CCDC3: variants seen among roughly 807,000 people sequenced by gnomAD.
CCDC3 encodes the protein coiled-coil domain-containing protein 3.
Under a neutral mutation model 21.4 loss-of-function variants are expected in CCDC3, and 24 were observed. The ratio of observed to expected loss-of-function variants is 1.12; its 90% CI spans 0.81 to 1.58. The LOEUF is 1.58. Among genes scored for constraint, CCDC3 ranks in the 40% most tolerant of loss-of-function variants. The probability of loss-of-function intolerance (pLI) is 0.00; values close to 1 mark genes in which losing one functional copy is unlikely to be tolerated. For synonymous variants in CCDC3, 186 were observed against 166.0 expected (o/e 1.12, Z -0.93); for missense variants, 425 against 360.9 (o/e 1.18, Z -1.44).
Position 13,019,906 on chromosome 10 carries a change from G to A in CCDC3, c.-1-21394C>T, listed in dbSNP as rs556122037. Among the ~76,000 whole-genome samples, 20 of 152,304 alleles carry A rather than the reference G, an allele frequency of 1.3e-4. No individual in the cohort carries two copies. The South Asian group carries it at 3.7e-3, about 28-fold the overall frequency. ...AGCTACTCAGGAGGCTGAGGCAGAA[G>A]AATCGCTTGAAACCTAAAGGTGGAA... On this transcript the variant is annotated intron_variant, in intron 5 of 6. Coordinates refer to the CCDC3 transcript ENST00000378839.
intron 2 of CCDC3, among the ~76,000 whole-genome samples, chr10:12,971,104 G>A (rs533843607): frequency 6.6e-6 from 1 of 152,260 alleles, no homozygotes; most frequent in South Asian, 2.1e-4. Context: ...CCGTTAATGT[G>A]AATCAGATCC....
intron 2 of CCDC3, among the ~76,000 whole-genome samples, chr10:12,982,817 A>C (rs985180404): frequency 2.0e-5 from 3 of 148,142 alleles, no homozygotes; most frequent in Non-Finnish European, 4.5e-5. Context: ...AAAAAAAAAA[A>C]AACCATACCT....
chr10:12,920,812 G>A (rs1303980951), intron 2 of CCDC3, among the ~76,000 whole-genome samples: 1 of 152,188 alleles, frequency 6.6e-6, no homozygotes, highest in Non-Finnish European at 1.5e-5. Flanking sequence ...ACAAGTGAAG[G>A]AGCTTGAATT....
chr10:12,927,499 T>A (rs897228053), intron 2 of CCDC3, among the ~76,000 whole-genome samples: 1 of 151,546 alleles, frequency 6.6e-6, no homozygotes, highest in African/African-American at 2.4e-5. Flanking sequence ...TTGCTAAAGC[T>A]CTAGTCTCTT....
At chr10:13,093,068 C>G (rs530091417) in intron 3 of CCDC3, among the ~76,000 whole-genome samples, 3 of 140,094 alleles carry the variant, frequency 2.1e-5, no homozygotes, top group Non-Finnish European at 4.6e-5. Context: ...GAGTTACTGA[C>G]TTTTCAAACC....
At chr10:12,934,134 T>G (rs1212384866) in intron 2 of CCDC3, among the ~76,000 whole-genome samples, 1 of 152,268 alleles carries the variant, frequency 6.6e-6, no homozygotes, top group Non-Finnish European at 1.5e-5. Context: ...TGGTAAGTTA[T>G]ATCTTCATTT....
At chr10:12,926,107 C>G (rs1048030124) in intron 2 of CCDC3, among the ~76,000 whole-genome samples, 2 of 152,156 alleles carry the variant, frequency 1.3e-5, no homozygotes, top group Non-Finnish European at 2.9e-5. Flanking sequence ...TGGGTAGGGA[C>G]TGGAATACTG....
intron 3 of CCDC3, among the ~76,000 whole-genome samples, chr10:13,084,270 C>T (rs1033953456): frequency 2.2e-4 from 32 of 147,398 alleles, no homozygotes; most frequent in Admixed American, 8.4e-4. Context: ...TTTCACCACT[C>T]TACCTTCTTT....
intron 2 of CCDC3, among the ~76,000 whole-genome samples, chr10:12,934,793 C>T (rs1387857690): frequency 6.6e-6 from 1 of 151,684 alleles, no homozygotes; most frequent in Non-Finnish European, 1.5e-5. Context: ...CATGGTATGG[C>T]TTTCTGCGTC....
chr10:13,064,652 G>A (rs1245837285), intron 4 of CCDC3, among the ~76,000 whole-genome samples: 4 of 152,276 alleles, frequency 2.6e-5, no homozygotes, highest in Admixed American at 2.6e-4. Flanking sequence ...CGGGTATGGT[G>A]GTGGGTGCCT....
chr10:12,974,833 GCA>G (rs1589027347), intron 2 of CCDC3, among the ~76,000 whole-genome samples: 1 of 152,224 alleles, frequency 6.6e-6, no homozygotes, highest in Non-Finnish European at 1.5e-5. Context: ...TTTCATGGCA[GCA>G]CAGTCTCCCC....
intron 3 of CCDC3, among the ~76,000 whole-genome samples, chr10:13,089,858 A>G (rs548999739): frequency 8.0e-6 from 1 of 125,748 alleles, no homozygotes; most frequent in East Asian, 2.5e-4. Flanking sequence ...GTGAGTTCCC[A>G]AAGTCCATTG....
intron 4 of CCDC3, among the ~76,000 whole-genome samples, chr10:13,056,026 T>A (rs1439931585): frequency 1.3e-5 from 2 of 152,242 alleles, no homozygotes; most frequent in Admixed American, 6.5e-5. Flanking sequence ...GAATATCACA[T>A]AGGACATTAG....
At chr10:13,071,801 C>T (rs1445834484) in intron 4 of CCDC3, among the ~76,000 whole-genome samples, 2 of 152,174 alleles carry the variant, frequency 1.3e-5, no homozygotes, top group Non-Finnish European at 2.9e-5. Flanking sequence ...CAGTCTGTAT[C>T]TCTTTTGAAT....
chr10:13,000,828 C>T (rs1835837126), intron 1 of CCDC3, among the ~76,000 whole-genome samples: 1 of 152,172 alleles, frequency 6.6e-6, no homozygotes, highest in Non-Finnish European at 1.5e-5. Context: ...AAATGCCAGC[C>T]ACAGACTGAT....
At chr10:12,935,517 TCTATTC>T (rs1834722452) in intron 2 of CCDC3, among the ~76,000 whole-genome samples, 1 of 152,242 alleles carries the variant, frequency 6.6e-6, no homozygotes, top group African/African-American at 2.4e-5. Context: ...ACCCTGGTTC[TCTATTC>T]CTATTTTTTA....
At chr10:13,093,028 T>A (rs1832591606) in intron 3 of CCDC3, among the ~76,000 whole-genome samples, 1 of 40,770 alleles carries the variant, frequency 2.5e-5, no homozygotes, top group Non-Finnish European at 6.3e-5. Context: ...CCCCTCACCT[T>A]TTTTTTTTTT....
chr10:13,044,544 G>A (rs530628172), intron 5 of CCDC3, among the ~76,000 whole-genome samples: 1 of 152,296 alleles, frequency 6.6e-6, no homozygotes, highest in East Asian at 1.9e-4. Context: ...TAAGGATCCA[G>A]TTTCATTCTT....
At chr10:13,034,235 C>T (rs915743182) in intron 5 of CCDC3, among the ~76,000 whole-genome samples, 18 of 150,896 alleles carry the variant, frequency 1.2e-4, no homozygotes, top group Admixed American at 9.3e-4. Flanking sequence ...AGCAAACTAT[C>T]GCAAGGGCAG....
Sources: allele counts gnomAD v4.1 joint callset (sites outside exome capture counted in the v4.1 genomes callset), GRCh38; gene constraint gnomAD v4.1.1; transcripts MANE v1.5; gene names NCBI Gene and HGNC (gene_info 2026-07-23, HGNC 2026-07-21).